The following INPP5A variants were observed in gnomAD, a reference collection of about 807,000 sequenced individuals.
The protein encoded by INPP5A is inositol polyphosphate-5-phosphatase A.
Under a neutral mutation model 65.2 loss-of-function variants are expected in INPP5A, and 14 were observed. The ratio of observed to expected loss-of-function variants is 0.21; its 90% CI spans 0.14 to 0.34. INPP5A has a LOEUF of 0.34. Ranked by LOEUF, INPP5A falls within the 10% of genes least tolerant of loss-of-function variation. The probability of loss-of-function intolerance (pLI) is 1.00; values close to 1 mark genes in which losing one functional copy is unlikely to be tolerated. For missense variants in INPP5A, 431 were observed against 545.6 expected (o/e 0.79, Z 2.09); for synonymous variants, 207 against 208.3 (o/e 0.99, Z 0.05).
intron 6 of INPP5A, among the ~76,000 whole-genome samples, chr10:132,702,539 C>T (rs370742888): frequency 7.2e-4 from 110 of 152,244 alleles, no homozygotes; most frequent in African/African-American, 2.6e-3. Flanking sequence ...AAACTGTTGA[C>T]GGTTATCGCA....
intron 11 of INPP5A, among the ~76,000 whole-genome samples, chr10:132,764,854 G>T (rs1446004709): frequency 1.4e-5 from 2 of 141,692 alleles, no homozygotes; most frequent in Admixed American, 1.4e-4. Context: ...ACACGGCCGG[G>T]TCAGTCCTGC....
At chr10:132,720,404 G>C (rs867374146) in intron 8 of INPP5A, among the ~76,000 whole-genome samples, 200 of 124,678 alleles carry the variant, frequency 1.6e-3, no homozygotes, top group Middle Eastern at 5.0e-3. Flanking sequence ...CGGCTGTCTT[G>C]CGGGTTCTGT....
intron 11 of INPP5A, among the ~76,000 whole-genome samples, chr10:132,763,692 AAC>A (rs201925399): frequency 1.0e-4 from 15 of 149,570 alleles, no homozygotes; most frequent in Admixed American, 1.3e-4. Flanking sequence ...CCTGCATGCA[AAC>A]ACACACATGC....
At position 132,782,783 on chromosome 10, in the gene INPP5A, C is replaced by T. The variant is rs1272862993; in HGVS notation, c.*754C>T. The stretch of plus-strand genomic sequence containing the variant: ...TCGTAAAAAACACACATGGCCTCGC[C>T]ATCGTGGGTAAAATCGGCCCCACAG... On this transcript the variant is annotated 3_prime_UTR_variant, in exon 16 of 16. Transcript: ENST00000368594. The surrounding 1 kb of genome is among the most constrained non-coding windows in gnomAD (Gnocchi z 4.4). 1 of 152,304 alleles carries T rather than the reference C, an allele frequency of 6.6e-6. No individual in the cohort carries two copies. The highest frequency in any genetic ancestry group is 2.4e-5 in the African/African-American group (1 of 41,412). The allele number at this position is 152,304 out of a possible 1,614,324, so 9.4% of individuals were successfully genotyped here. A position where few individuals can be genotyped will look rare whatever the true frequency, so the allele number is the denominator to read the frequency against.
chr10:132,768,132 C>T (rs1591000248), intron 12 of INPP5A, among the ~76,000 whole-genome samples: 1 of 149,038 alleles, frequency 6.7e-6, no homozygotes, highest in African/African-American at 2.5e-5. Flanking sequence ...CCCACGTGCC[C>T]ATTGGCATTC....
At chr10:132,544,888 G>A (rs2070950139) in intron 1 of INPP5A, among the ~76,000 whole-genome samples, 2 of 152,106 alleles carry the variant, frequency 1.3e-5, no homozygotes. Context: ...TCAGTCTCTA[G>A]AGTTGCTGAG....
At chr10:132,724,917 A>G (rs1406517420) in intron 8 of INPP5A, among the ~76,000 whole-genome samples, 2 of 150,272 alleles carry the variant, frequency 1.3e-5, no homozygotes, top group Non-Finnish European at 3.0e-5. Context: ...CGTATTCACC[A>G]CAGACGGGGA....
chr10:132,740,200 T>C, intron 9 of INPP5A, among the ~76,000 whole-genome samples: 1 of 152,224 alleles, frequency 6.6e-6, no homozygotes, highest in South Asian at 2.1e-4. Flanking sequence ...TTGTCAGAAC[T>C]TAGCGTTTGA....
intron 1 of INPP5A, among the ~76,000 whole-genome samples, chr10:132,563,279 G>A (rs1045597187): frequency 2.0e-5 from 3 of 152,206 alleles, no homozygotes; most frequent in African/African-American, 7.2e-5. Flanking sequence ...GCATTGCTGA[G>A]GGTCTTGGCC....
intron 8 of INPP5A, among the ~76,000 whole-genome samples, chr10:132,720,531 G>A (rs1360864809): frequency 2.7e-5 from 4 of 150,116 alleles, no homozygotes; most frequent in Non-Finnish European, 4.4e-5. Flanking sequence ...CCTGGGTTCT[G>A]TCTGGGCACC....
chr10:132,721,219 C>A (rs1430474827), intron 8 of INPP5A, among the ~76,000 whole-genome samples: 2 of 147,258 alleles, frequency 1.4e-5, no homozygotes, highest in East Asian at 4.1e-4. Context: ...CCTTAGACTG[C>A]TGTCTTCAGG....
At chr10:132,710,491 C>T in intron 8 of INPP5A, 35 bp downstream of exon 8, 3 of 1,600,236 alleles carry the variant, frequency 1.9e-6, no homozygotes, top group South Asian at 2.2e-5. Context: ...GTGGGCCGGG[C>T]AAGTAGGTGT....
chr10:132,669,299 G>A (rs1252188017), intron 4 of INPP5A, among the ~76,000 whole-genome samples: 1 of 152,208 alleles, frequency 6.6e-6, no homozygotes, highest in Non-Finnish European at 1.5e-5. Context: ...CTTGTGTGAA[G>A]CTGGGAAGTA....
chr10:132,756,939 A>G (rs1288174547), intron 11 of INPP5A, among the ~76,000 whole-genome samples: 2 of 152,248 alleles, frequency 1.3e-5, no homozygotes, highest in Non-Finnish European at 2.9e-5. Flanking sequence ...CATTGTTATC[A>G]AAAAATGTTT....
At chr10:132,658,449 CTT>C (rs1751297748) in intron 4 of INPP5A, among the ~76,000 whole-genome samples, 2 of 152,292 alleles carry the variant, frequency 1.3e-5, no homozygotes, top group Middle Eastern at 3.4e-3. Flanking sequence ...AGGCTTGACT[CTT>C]TTATTTCCTT....
chr10:132,777,632 G>C (rs368398824), intron 12 of INPP5A, 39 bp from the exon 13 acceptor site: 1 of 1,593,102 alleles, frequency 6.3e-7, no homozygotes, highest in Admixed American at 1.7e-5. Context: ...AGGACGGCCC[G>C]AGCCGGCCGG....
At chr10:132,645,318 G>A (rs530315085) in intron 2 of INPP5A, among the ~76,000 whole-genome samples, 90 of 152,328 alleles carry the variant, frequency 5.9e-4, no homozygotes, top group African/African-American at 2.0e-3. Context: ...GTGTGTCGGC[G>A]TCCTCCCAGG....
chr10:132,715,817 C>T (rs1845729466), intron 8 of INPP5A, among the ~76,000 whole-genome samples: 1 of 152,232 alleles, frequency 6.6e-6, no homozygotes, highest in African/African-American at 2.4e-5. Flanking sequence ...TGGGCTCGTC[C>T]CAATCAGGCT....
chr10:132,767,279 T>C (rs1468754730), intron 12 of INPP5A, among the ~76,000 whole-genome samples: 5 of 12,470 alleles, frequency 4.0e-4, no homozygotes, highest in East Asian at 4.3e-3. Context: ...AGGATGCGGC[T>C]TCAGGGAGCT....
Sources: gnomAD v4.1 joint callset for allele counts (sites outside exome capture counted in the v4.1 genomes callset) on GRCh38, gnomAD v4.1.1 for gene constraint, Gnocchi (gnomAD v3.1) non-coding constraint, MANE v1.5 for transcripts, NCBI Gene and HGNC (gene_info 2026-07-23, HGNC 2026-07-21) for gene names.